RBMS2: variants seen among roughly 807,000 people sequenced by gnomAD.
RBMS2 encodes the protein RNA-binding motif, single-stranded-interacting protein 2.
RBMS2 carries 38 observed loss-of-function variants against 58.4 expected under a neutral mutation model. The ratio of observed to expected loss-of-function variants is 0.65; its 90% confidence interval spans 0.50 to 0.85. The LOEUF (loss-of-function observed/expected upper bound fraction) is 0.85. Ranked by LOEUF, RBMS2 falls within the 40% of genes least tolerant of loss-of-function variation. The pLI, the probability that RBMS2 is intolerant of heterozygous loss-of-function variation, is 0.00. For missense variants in RBMS2, 367 were observed against 503.7 expected (o/e 0.73, Z 2.60); for synonymous variants, 151 against 180.7 (o/e 0.84, Z 1.32).
At chr12:56,574,696 C>T (rs1592472463) in intron 5 of RBMS2, among the ~76,000 whole-genome samples, 1 of 152,144 alleles carries the variant, frequency 6.6e-6, no homozygotes, top group African/African-American at 2.4e-5. Context: ...ATGTTAATGT[C>T]TACAAGTTTT....
intron 1 of RBMS2, among the ~76,000 whole-genome samples, chr12:56,552,922 C>CTTTTT (rs57408592): frequency 3.2e-5 from 2 of 61,978 alleles, no homozygotes; most frequent in African/African-American, 5.9e-5. Flanking sequence ...ATTAAGAGTC[C>CTTTTT]TTTTTTTTTT....
intron 2 of RBMS2, among the ~76,000 whole-genome samples, chr12:56,563,686 C>G (rs1455980890): frequency 2.0e-5 from 3 of 152,076 alleles, no homozygotes; most frequent in African/African-American, 2.4e-5. Flanking sequence ...ACCTGTAATC[C>G]TAGCACCTTG....
chr12:56,586,361 GCA>G (rs1884671657), intron 9 of RBMS2, among the ~76,000 whole-genome samples: 1 of 151,916 alleles, frequency 6.6e-6, no homozygotes, highest in Non-Finnish European at 1.5e-5. Context: ...GTGTGGTGGT[GCA>G]CACCTGTAGT....
intron 1 of RBMS2, among the ~76,000 whole-genome samples, chr12:56,551,490 G>C (rs1187425532): frequency 6.6e-6 from 1 of 152,154 alleles, no homozygotes; most frequent in Non-Finnish European, 1.5e-5. Context: ...GAGTATTCTA[G>C]GTATGAGTCT....
chr12:56,544,284 A>C (rs1011984812), intron 1 of RBMS2, among the ~76,000 whole-genome samples: 18 of 151,996 alleles, frequency 1.2e-4, no homozygotes, highest in African/African-American at 3.9e-4. Context: ...TCAAAAAAAA[A>C]CCCATCTATG....
chr12:56,550,800 C>T (rs965448976), intron 1 of RBMS2, among the ~76,000 whole-genome samples: 25 of 150,802 alleles, frequency 1.7e-4, no homozygotes, highest in Non-Finnish European at 2.9e-5. Context: ...CGAGATTGCG[C>T]CATCGCACCC....
In RBMS2 at chr12:56,586,916, T is replaced by C. The variant is rs1884745277; in HGVS notation, c.941T>C (p.Met314Thr). Reference sequence around the variant, plus strand: ...TGGATGCACCACCATTCATACCTCATGCAGCCTTCAGTGAGTATTCAGAAG... The same window carrying C: ...TGGATGCACCACCATTCATACCTCACGCAGCCTTCAGTGAGTATTCAGAAG... ...PSWMHHHSYLMQPSGSVLTPG... is the reference protein window; with the variant it reads ...PSWMHHHSYLTQPSGSVLTPG... Residue 314 changes from methionine to threonine, a missense_variant, in exon 10 of 14, where the codon ATG (methionine) becomes ACG (threonine). By Grantham distance (81) the Met-to-Thr change is moderately conservative. Coordinates refer to ENST00000262031, the MANE Select transcript of RBMS2 (RefSeq NM_002898.4). The C allele has an allele frequency of 5.6e-6, 9 of 1,612,918 alleles. No homozygotes were observed. The highest frequency in any genetic ancestry group is 7.6e-6 in the Non-Finnish European group (9 of 1,178,914).
At chr12:56,553,911 G>A (rs1026209622) in intron 1 of RBMS2, among the ~76,000 whole-genome samples, 1 of 147,666 alleles carries the variant, frequency 6.8e-6, no homozygotes, top group African/African-American at 2.5e-5. Context: ...TGCAGCCTCC[G>A]CCTCCTGGCT....
At chr12:56,566,025 A>T (rs2136442437) in intron 2 of RBMS2, among the ~76,000 whole-genome samples, 1 of 152,220 alleles carries the variant, frequency 6.6e-6, no homozygotes, top group East Asian at 1.9e-4. Context: ...ACTTCTCATG[A>T]GTCCCTCCCC....
intron 1 of RBMS2, among the ~76,000 whole-genome samples, chr12:56,557,827 C>G (rs1164849487): frequency 1.3e-5 from 2 of 150,944 alleles, no homozygotes; most frequent in African/African-American, 4.9e-5. Flanking sequence ...CAACCTCTGC[C>G]TCCCAGGTTC....
rs541514158 is a variant in RBMS2 at position 56,575,724 on chromosome 12, G to A, written c.542+3869G>A. Reference sequence around the variant, plus strand: ...AGCCTGACCAACGTGGAAAAACCCCGTCTCTACTAAAAATGCAAAATTAGC... The same window carrying A: ...AGCCTGACCAACGTGGAAAAACCCCATCTCTACTAAAAATGCAAAATTAGC... On this transcript the variant is annotated intron_variant, in intron 5 of 13. Coordinates refer to ENST00000262031, the MANE Select transcript of RBMS2 (RefSeq NM_002898.4). 4.0e-5 allele frequency among the ~76,000 whole-genome samples: 6 copies of A among 151,668 alleles called. No individual in the cohort carries two copies. The East Asian group carries it at 9.8e-4, about 25-fold the overall frequency.
At chr12:56,571,492 C>G (rs924572424) in intron 4 of RBMS2, among the ~76,000 whole-genome samples, 27 of 152,280 alleles carry the variant, frequency 1.8e-4, no homozygotes, top group African/African-American at 6.3e-4. Context: ...TTGTATAGTA[C>G]TAGAAATATT....
At chr12:56,538,049 T>C (rs1875268655) in intron 1 of RBMS2, among the ~76,000 whole-genome samples, 1 of 145,052 alleles carries the variant, frequency 6.9e-6, no homozygotes, top group Non-Finnish European at 1.5e-5. Flanking sequence ...TTTATTTATT[T>C]GAGACAGAGT....
chr12:56,552,207 T>C (rs139586053), intron 1 of RBMS2, among the ~76,000 whole-genome samples: 33 of 152,322 alleles, frequency 2.2e-4, no homozygotes, highest in Middle Eastern at 3.4e-3. Context: ...ATTTCACTGA[T>C]TTTTTTGTGT....
rs937081612 is a variant in RBMS2, at chr12:56,593,161, G to A, written c.*4028G>A. On this transcript the variant is annotated 3_prime_UTR_variant, in exon 14 of 14. Coordinates refer to ENST00000262031, the MANE Select transcript of RBMS2 (RefSeq NM_002898.4). ...TGGTTTTGTTGTTTTGTTTTTTTGA[G>A]ACAGGGTCTCACTCTGTGGCCCAGG... 2.6e-5 allele frequency: 4 copies of A among 152,260 alleles called. No individual in the cohort carries two copies. The highest frequency in any genetic ancestry group is 9.7e-5 in the African/African-American group (4 of 41,264). The allele number at this position is 152,260 out of a possible 1,614,324, so 9.4% of individuals were successfully genotyped here. A position where few individuals can be genotyped will look rare whatever the true frequency, so the allele number is the denominator to read the frequency against.
At chr12:56,573,065 T>C in intron 5 of RBMS2, 3 of 969,790 alleles carry the variant, frequency 3.1e-6, no homozygotes, top group Non-Finnish European at 3.7e-6. Flanking sequence ...ACTTTTTTTT[T>C]TTTTTTTAGT....
At chr12:56,540,092 T>A (rs1875796696) in intron 1 of RBMS2, among the ~76,000 whole-genome samples, 2 of 152,180 alleles carry the variant, frequency 1.3e-5, no homozygotes, top group South Asian at 4.1e-4. Flanking sequence ...GTAGCCCATT[T>A]ATCACAGTGG....
intron 1 of RBMS2, among the ~76,000 whole-genome samples, chr12:56,535,905 G>C (rs1592337609): frequency 6.6e-6 from 1 of 151,980 alleles, no homozygotes; most frequent in Admixed American, 6.6e-5. Context: ...GATCATTAAG[G>C]TTAACGATTG....
At position 56,541,303 on chromosome 12, in the gene RBMS2, C is replaced by T. The variant is rs143497411; in HGVS notation, c.66+19214C>T. ...TATATAAAAAGTGAATCTGATTTTC[C>T]CTCATTTGTAAAATGAAGACATTAA... is the stretch of plus-strand genomic sequence containing the variant. On this transcript the variant is annotated intron_variant, in intron 1 of 13. Coordinates refer to ENST00000262031, the MANE Select transcript of RBMS2 (RefSeq NM_002898.4). 4.6e-3 allele frequency among the ~76,000 whole-genome samples: 696 copies of T among 152,038 alleles called. 4 individuals carry two copies. The highest frequency in any genetic ancestry group is 8.2e-3 in the Non-Finnish European group (556 of 67,964).
Sources: allele counts gnomAD v4.1 joint callset (sites outside exome capture counted in the v4.1 genomes callset), GRCh38; gene constraint gnomAD v4.1.1; transcripts MANE v1.5; gene names NCBI Gene and HGNC (gene_info 2026-07-23, HGNC 2026-07-21).